The following ZNF254 variants were observed in gnomAD, a reference collection of about 807,000 sequenced individuals.
ZNF254 encodes zinc finger protein 254, also known as CTD-2017D11.1.
A neutral mutation model predicts 12.4 loss-of-function variants in ZNF254; 10 were observed. The ratio of observed to expected loss-of-function variants is 0.80; its 90% CI spans 0.50 to 1.36. The LOEUF (loss-of-function observed/expected upper bound fraction) is 1.36. Ranked by LOEUF, ZNF254 falls within the 40% of genes most tolerant of loss-of-function variation. ZNF254 has a pLI of 0.00. For missense variants in ZNF254, 996 were observed against 763.9 expected, an observed-to-expected ratio of 1.30 and a Z score of -3.58; for synonymous variants, 305 against 253.4, an observed-to-expected ratio of 1.20 and a Z score of -1.93.
At chr19:24,066,020 T>G (rs1020644210) in intron 2 of ZNF254, 2 of 152,132 alleles carry the variant, frequency 1.3e-5, no homozygotes, top group African/African-American at 4.8e-5. Context: ...TCTCCTCTTT[T>G]TTTCAGGCTC....
chr19:24,105,242 G>A (rs866990398), intron 1 of ZNF254: 108 of 172,342 alleles, frequency 6.3e-4, no homozygotes, highest in Admixed American at 1.2e-3. Context: ...AAACCATCAC[G>A]TTTAATCTGG....
intron 2 of ZNF254, among the ~76,000 whole-genome samples, chr19:24,049,214 A>ATATATTTTTTTTT (rs1160333151): frequency 7.3e-5 from 3 of 40,858 alleles, no homozygotes; most frequent in Non-Finnish European, 1.2e-4. Context: ...ATATATATAT[A>ATATATTTTTTTTT]TTTTTTTTTT....
upstream of ZNF254, among the ~76,000 whole-genome samples, chr19:24,082,909 G>C (rs1241995342): frequency 6.6e-6 from 1 of 151,882 alleles, no homozygotes; most frequent in Non-Finnish European, 1.5e-5. Flanking sequence ...AATGGAACAA[G>C]ACAATAGTGC....
intron 3 of ZNF254, among the ~76,000 whole-genome samples, chr19:24,118,172 G>C (rs1974236131): frequency 6.6e-6 from 1 of 151,094 alleles, no homozygotes; most frequent in East Asian, 2.0e-4. Flanking sequence ...TCCTGTCTCA[G>C]CCTCCTTAGT....
upstream of ZNF254, among the ~76,000 whole-genome samples, chr19:24,083,739 T>G (rs1397113274): frequency 6.6e-6 from 1 of 152,126 alleles, no homozygotes; most frequent in Non-Finnish European, 1.5e-5. Context: ...ATGCTCAACA[T>G]TACTAATGAT....
At chr19:24,108,854 C>G (rs1414352140) in intron 3 of ZNF254, among the ~76,000 whole-genome samples, 1 of 152,102 alleles carries the variant, frequency 6.6e-6, no homozygotes, top group Non-Finnish European at 1.5e-5. Context: ...AGTATGCAGG[C>G]AGGCAAAAAG....
chr19:24,118,552 A>C (rs1238211770), intron 3 of ZNF254, among the ~76,000 whole-genome samples: 1 of 152,054 alleles, frequency 6.6e-6, no homozygotes, highest in Non-Finnish European at 1.5e-5. Flanking sequence ...TTTGTAAATA[A>C]ATTCATTCAA....
At chr19:24,119,907 G>T (rs1229490041) in intron 3 of ZNF254, among the ~76,000 whole-genome samples, 1 of 151,832 alleles carries the variant, frequency 6.6e-6, no homozygotes, top group East Asian at 1.9e-4. Flanking sequence ...TATTTTAATT[G>T]TGTAGTGACA....
chr19:24,046,371 TTTTATA>T (rs1327175107), intron 2 of ZNF254: 23 of 51,394 alleles, frequency 4.5e-4, no homozygotes, highest in South Asian at 7.4e-4. Context: ...TTTTATTATT[TTTTATA>T]TATATATATA....
At chr19:24,074,241 G>C (rs947410611) in intron 2 of ZNF254, among the ~76,000 whole-genome samples, 4 of 152,070 alleles carry the variant, frequency 2.6e-5, no homozygotes, top group African/African-American at 9.7e-5. Flanking sequence ...ATTCTACCAG[G>C]TCCCTGCACA....
intron 1 of ZNF254, among the ~76,000 whole-genome samples, chr19:24,033,792 G>C (rs1465332565): frequency 6.6e-6 from 1 of 152,168 alleles, no homozygotes; most frequent in Non-Finnish European, 1.5e-5. Flanking sequence ...GGATCCCCGC[G>C]TTCAGCCCCG....
At chr19:24,036,385 G>C (rs1459801786) in intron 1 of ZNF254, among the ~76,000 whole-genome samples, 6 of 152,088 alleles carry the variant, frequency 3.9e-5, no homozygotes, top group Admixed American at 6.6e-5. Context: ...TAAGTTCTGT[G>C]AGTAGCTGTA....
intron 3 of ZNF254, among the ~76,000 whole-genome samples, chr19:24,115,147 C>A (rs1244026889): frequency 1.3e-5 from 2 of 151,600 alleles, no homozygotes; most frequent in Non-Finnish European, 1.5e-5. Context: ...ACTAGAAATA[C>A]CATTTGACCC....
chr19:24,055,205 C>CAAAAA (rs71167733), intron 2 of ZNF254, among the ~76,000 whole-genome samples: 6 of 28,324 alleles, frequency 2.1e-4, no homozygotes, highest in East Asian at 2.3e-3. Context: ...TCTGTCTCAC[C>CAAAAA]AAAAAAAAAA....
At chr19:24,120,873 A>G (rs1216800338) in intron 3 of ZNF254, among the ~76,000 whole-genome samples, 3 of 151,870 alleles carry the variant, frequency 2.0e-5, no homozygotes, top group East Asian at 3.9e-4. Context: ...GGGTTTCTCC[A>G]TGTTAACCAG....
chr19:24,051,934 G>C (rs919865237), intron 2 of ZNF254, among the ~76,000 whole-genome samples: 2 of 152,162 alleles, frequency 1.3e-5, no homozygotes, highest in Non-Finnish European at 2.9e-5. Context: ...TACTCACAGA[G>C]AGCATTTTGA....
rs770485911 is a variant in ZNF254, at chr19:24,127,178, T to A, written c.1178T>A (p.Leu393His). ...CGKAFKQLST[L>H]TTHKIIHVGE... ...AAAGCTTTTAAGCAACTCTCAACTC[T>A]TACTACACATAAAATAATTCATGTT... The change falls in exon 4 of 4, where the codon CTT (leucine) becomes CAT (histidine). Residue 393 changes from leucine to histidine, a missense_variant. Transcript: ENST00000357002. The A allele has an allele frequency of 6.2e-7, 1 of 1,613,386 alleles. No homozygotes were observed. Among genetic ancestry groups the A allele is most frequent in the Non-Finnish European group, 8.5e-7 (1 of 1,179,780 alleles).
chr19:24,071,932 A>T (rs1359103594), intron 2 of ZNF254, among the ~76,000 whole-genome samples: 5 of 152,152 alleles, frequency 3.3e-5, no homozygotes, highest in Admixed American at 1.3e-4. Flanking sequence ...TCAATATGCA[A>T]ATTGTATATT....
chr19:24,072,564 G>T (rs1371617391), intron 2 of ZNF254, among the ~76,000 whole-genome samples: 1 of 152,166 alleles, frequency 6.6e-6, no homozygotes, highest in Non-Finnish European at 1.5e-5. Context: ...CCTGGGCCCT[G>T]CCCACAAGAG....
Sources: allele counts gnomAD v4.1 joint callset (sites outside exome capture counted in the v4.1 genomes callset), GRCh38; gene constraint gnomAD v4.1.1; transcripts MANE v1.5; gene names NCBI Gene and HGNC (gene_info 2026-07-23, HGNC 2026-07-21).